The following THOC1 variants were observed in gnomAD, a reference collection of about 807,000 sequenced individuals.
THOC1 encodes the protein THO complex 1.
Under a neutral mutation model 97.3 loss-of-function variants are expected in THOC1, and 29 were observed. That is an observed-to-expected ratio of 0.30 (90% CI 0.22 to 0.41). The LOEUF (loss-of-function observed/expected upper bound fraction) is 0.41, where lower values mean the gene tolerates loss of function less well. Among genes scored for constraint, THOC1 ranks in the 10% least tolerant of loss-of-function variants. The pLI, the probability that THOC1 is intolerant of heterozygous loss-of-function variation, is 1.00. For missense variants in THOC1, 529 were observed against 761.9 expected, an observed-to-expected ratio of 0.69 and a Z score of 3.60; for synonymous variants, 255 against 257.0, an observed-to-expected ratio of 0.99 and a Z score of 0.07.
chr18:265,033 C>T, intron 3 of THOC1: 1 of 370,312 alleles, frequency 2.7e-6, no homozygotes, highest in Non-Finnish European at 4.8e-6. Context: ...AGCCCACCTT[C>T]ACCTCTAGTT....
chr18:252,491 T>G, intron 9 of THOC1, 48 bp downstream of exon 9: 1 of 1,382,344 alleles, frequency 7.2e-7, no homozygotes, highest in Non-Finnish European at 1.0e-6. Flanking sequence ...CTCAATAAAT[T>G]AGGAGATTAT....
chr18:233,526 C>A (rs936435928), intron 11 of THOC1, among the ~76,000 whole-genome samples: 1 of 152,202 alleles, frequency 6.6e-6, no homozygotes, highest in Non-Finnish European at 1.5e-5. Context: ...GTGGAGGCTG[C>A]GATGAGCCAA....
chr18:260,108 TAA>T (rs11309829), intron 5 of THOC1, 76 bp downstream of exon 5: 1,339 of 862,672 alleles, frequency 1.6e-3, no homozygotes, highest in South Asian at 3.6e-3. Flanking sequence ...CAAATAAATT[TAA>T]AAAAAAAAAT....
intron 11 of THOC1, among the ~76,000 whole-genome samples, chr18:233,624 T>C (rs966762246): frequency 6.6e-5 from 10 of 152,202 alleles, no homozygotes; most frequent in African/African-American, 2.4e-4. Flanking sequence ...CTTTCCTCAC[T>C]AGTTTATAAT....
rs1258218503 is a variant in THOC1, at chr18:260,166, A to G, written c.375+20T>C. On this transcript the variant is annotated intron_variant, in intron 5 of 20. Coordinates refer to ENST00000261600, the MANE Select transcript of THOC1 (RefSeq NM_005131.3). ...CTATAGAAAGATAAAGTTAGCAGGA[A>G]AAGAAACTAAGGCACTTACTGATTT... 5.5e-6 allele frequency: 8 copies of G among 1,442,528 alleles called. No individual in the cohort carries two copies. Among genetic ancestry groups the G allele is most frequent in the Non-Finnish European group, 2.8e-6 (3 of 1,074,240 alleles). 89.4% of individuals were successfully genotyped at this position (1,442,528 alleles called of 1,614,324 possible). A position where few individuals can be genotyped will look rare whatever the true frequency, so the allele number is the denominator to read the frequency against.
At chr18:249,155 A>C (rs1039855133) in intron 9 of THOC1, among the ~76,000 whole-genome samples, 3 of 152,176 alleles carry the variant, frequency 2.0e-5, no homozygotes, top group Non-Finnish European at 4.4e-5. Flanking sequence ...CAAAAATCTA[A>C]ATCTAGTTCT....
At chr18:234,458 T>C (rs1304092623) in intron 11 of THOC1, among the ~76,000 whole-genome samples, 1 of 152,240 alleles carries the variant, frequency 6.6e-6, no homozygotes, top group Non-Finnish European at 1.5e-5. Flanking sequence ...GAACATTCCT[T>C]TCTACTTTTT....
chr18:218,238 T>G (rs987483383), intron 18 of THOC1, among the ~76,000 whole-genome samples: 1 of 152,296 alleles, frequency 6.6e-6, no homozygotes, highest in Non-Finnish European at 1.5e-5. Context: ...ACTGGCGGTT[T>G]AATAATTAAA....
intron 9 of THOC1, among the ~76,000 whole-genome samples, chr18:248,304 CCATATTTTAT>C (rs1387628062): frequency 2.6e-5 from 4 of 152,158 alleles, no homozygotes; most frequent in African/African-American, 7.2e-5. Context: ...AACTTTTGGG[CCATATTTTAT>C]CACTGGCCTT....
rs1476790335 is a variant in THOC1, at chr18:223,603, T to A, written c.1305-98A>T. 3.2e-6 allele frequency: 3 copies of A among 943,650 alleles called. No homozygotes were observed. The East Asian group carries it at 8.3e-5, about 26-fold the overall frequency. 58.5% of individuals were successfully genotyped at this position (943,650 alleles called of 1,614,324 possible). A position where few individuals can be genotyped will look rare whatever the true frequency, so the allele number is the denominator to read the frequency against. The stretch of plus-strand genomic sequence containing the variant: ...AAACAATACAATGTAAACAGTGGAT[T>A]TGGGGATGTTGACAGTATGAGTTTT... On this transcript the variant is annotated intron_variant, in intron 16 of 20. Transcript: ENST00000261600.
At chr18:233,677 TTC>T (rs1283179234) in intron 11 of THOC1, among the ~76,000 whole-genome samples, 12 of 152,232 alleles carry the variant, frequency 7.9e-5, no homozygotes, top group Non-Finnish European at 1.6e-4. Flanking sequence ...AATTTGGACT[TTC>T]TATTGTTTTA....
intron 1 of THOC1, among the ~76,000 whole-genome samples, 172 bp from the exon 2 acceptor site, chr18:265,702 C>T (rs1259036314): frequency 2.0e-5 from 3 of 152,098 alleles, no homozygotes; most frequent in Non-Finnish European, 2.9e-5. Flanking sequence ...CTTCATGATA[C>T]GGATCCTCAT....
intron 4 of THOC1, among the ~76,000 whole-genome samples, chr18:261,439 C>T (rs1462455951): frequency 6.6e-6 from 1 of 152,166 alleles, no homozygotes; most frequent in African/African-American, 2.4e-5. Context: ...TGGAATGCGA[C>T]GTGAGGGATA....
chr18:260,713 C>G (rs1436793323), intron 4 of THOC1: 1 of 152,486 alleles, frequency 6.6e-6, no homozygotes. Context: ...AGCTGGGATA[C>G]GAACCCAGGC....
intron 5 of THOC1, 160 bp downstream of exon 5, chr18:260,026 T>C (rs1912554205): frequency 3.7e-6 from 2 of 537,576 alleles, no homozygotes; most frequent in African/African-American, 2.0e-5. Flanking sequence ...ACATGGTTTT[T>C]ATTTGGCTCT....
intron 11 of THOC1, chr18:244,962 C>G (rs1479993154): frequency 2.6e-5 from 4 of 152,002 alleles, no homozygotes; most frequent in Non-Finnish European, 5.9e-5. Flanking sequence ...TAGTTTAATT[C>G]TGTGTGCTGA....
At chr18:215,709 A>C in intron 19 of THOC1, 1 of 506,330 alleles carries the variant, frequency 2.0e-6, no homozygotes, top group South Asian at 2.6e-5. Flanking sequence ...GGAAGACCTC[A>C]GAGTTGGAAA....
Position 221,769 on chromosome 18 carries a change from T to C in THOC1, c.1370+1671A>G, listed in dbSNP as rs572080468. 3.9e-4 allele frequency among the ~76,000 whole-genome samples: 59 copies of C among 152,108 alleles called. No individual in the cohort carries two copies. The East Asian group carries it at 7.0e-3, about 18-fold the overall frequency. Reference sequence around the variant, plus strand: ...GACTACAGGCGCCTGCCACCACACTTGGCTAATTTTTTGTATTTTTAGTAG... The same window carrying C: ...GACTACAGGCGCCTGCCACCACACTCGGCTAATTTTTTGTATTTTTAGTAG... On this transcript the variant is annotated intron_variant, in intron 17 of 20. Transcript: ENST00000261600.
chr18:232,961 T>C lies in THOC1; in HGVS notation c.919-6060A>G, dbSNP rs182291785. ...TTTGAATACTAATTTTTCCCGGTTA[T>C]GTAGGTGACAAATAATCTTCTCCCA... On this transcript the variant is annotated intron_variant, in intron 11 of 20. Coordinates refer to ENST00000261600, the MANE Select transcript of THOC1 (RefSeq NM_005131.3). Among the ~76,000 whole-genome samples the C allele has an allele frequency of 3.6e-3, 541 of 152,354 alleles. 1 individual carries two copies. The highest frequency in any genetic ancestry group is 0.012 in the African/African-American group (504 of 41,582).
Sources: gnomAD v4.1 joint callset for allele counts (sites outside exome capture counted in the v4.1 genomes callset) on GRCh38, gnomAD v4.1.1 for gene constraint, MANE v1.5 for transcripts, NCBI Gene and HGNC (gene_info 2026-07-23, HGNC 2026-07-21) for gene names.